The following DSC1 variants were observed in gnomAD, a reference collection of about 807,000 sequenced individuals.
DSC1 encodes desmocollin-1.
Under a neutral mutation model 98.8 loss-of-function variants are expected in DSC1, and 79 were observed. The ratio of observed to expected loss-of-function variants is 0.80; its 90% CI spans 0.67 to 0.96. DSC1 has a LOEUF of 0.96. DSC1 is among the 50% of genes least tolerant of loss of function. The probability of loss-of-function intolerance (pLI) is 0.00; values close to 1 mark genes in which losing one functional copy is unlikely to be tolerated. For synonymous variants in DSC1, 405 were observed against 372.1 expected (o/e 1.09, Z -1.02); for missense variants, 1,115 against 1,075.9 (o/e 1.04, Z -0.51).
At chr18:31,155,002 TA>T (rs1302129826) in intron 4 of DSC1, 73 bp from the exon 5 acceptor site, 1 of 1,538,054 alleles carries the variant, frequency 6.5e-7, no homozygotes, top group East Asian at 2.3e-5. Context: ...TGTGATGGTT[TA>T]TTTTTTTACC....
intron 11 of DSC1, among the ~76,000 whole-genome samples, chr18:31,135,386 A>G (rs2144918463): frequency 6.6e-6 from 1 of 152,280 alleles, no homozygotes; most frequent in Non-Finnish European, 1.5e-5. Context: ...GTGCTTTCTC[A>G]GAACTCTTTG....
rs1439785448 is a variant in DSC1 at position 31,139,733 on chromosome 18, G to T, written c.1663+15C>A. ...GTCATATATTTATATTTTATCTGTA[G>T]AAAATGGCACTCACCTGCATCCACT... On this transcript the variant is annotated intron_variant, in intron 11 of 15. Coordinates refer to ENST00000257198, the MANE Select transcript of DSC1 (RefSeq NM_024421.2). The T allele has an allele frequency of 6.4e-7, 1 of 1,560,998 alleles. No individual in the cohort carries two copies. The highest frequency in any genetic ancestry group is 8.6e-7 in the Non-Finnish European group (1 of 1,156,772).
Position 31,140,183 on chromosome 18 carries a change from A to G in DSC1, c.1379T>C (p.Val460Ala), listed in dbSNP as rs750210661. The change falls in exon 10 of 16, where the codon GTT becomes GCT. Residue 460 changes from valine to alanine, a missense_variant. Transcript: ENST00000257198. ...TPTMCTTTVTVKIIDSDEGPE... is the reference protein window; with the variant it reads ...TPTMCTTTVTAKIIDSDEGPE... ...GCCCTCATCACTGTCTATAATTTTA[A>G]CGGTGACAGTTGTAGTGCACATTGT... The G allele has an allele frequency of 2.5e-6, 4 of 1,614,006 alleles. No homozygotes were observed. The highest frequency in any genetic ancestry group is 3.4e-6 in the Non-Finnish European group (4 of 1,179,942).
rs1988457255 is a variant in DSC1 at position 31,130,378 on chromosome 18, A to G, written c.*136T>C. 1.2e-6 allele frequency: 1 copy of G among 860,520 alleles called. No homozygotes were observed. Among genetic ancestry groups the G allele is most frequent in the Non-Finnish European group, 1.8e-6 (1 of 556,676 alleles). 53.3% of individuals were successfully genotyped at this position (860,520 alleles called of 1,614,324 possible). On this transcript the variant is annotated 3_prime_UTR_variant, in exon 16 of 16. Coordinates refer to ENST00000257198, the MANE Select transcript of DSC1 (RefSeq NM_024421.2). ...GACAAGGAGAATGTAGGGGAATCTC[A>G]TATTTATAGTACCCTTACCTATACA...
chr18:31,130,927 A>G, intron 15 of DSC1: 1 of 1,291,190 alleles, frequency 7.7e-7, no homozygotes, highest in Non-Finnish European at 1.1e-6. Context: ...GAGCACATTT[A>G]AAAAATTAAG....
intron 2 of DSC1, among the ~76,000 whole-genome samples, chr18:31,158,241 T>C (rs969525865): frequency 5.3e-5 from 8 of 152,206 alleles, no homozygotes; most frequent in African/African-American, 1.7e-4. Flanking sequence ...CACTTCAGCC[T>C]GGGCAACAGA....
intron 5 of DSC1, among the ~76,000 whole-genome samples, chr18:31,153,045 A>G (rs139145803): frequency 0.015 from 2,204 of 151,698 alleles, 47 homozygotes; most frequent in African/African-American, 0.047. Context: ...AACTTTGAGG[A>G]TAAATTTCAA....
chr18:31,142,123 T>C lies in DSC1; in HGVS notation c.1136A>G (p.Asp379Gly). The C allele has an allele frequency of 1.2e-6, 2 of 1,613,188 alleles. No individual in the cohort carries two copies. The stretch of plus-strand genomic sequence containing the variant: ...GTGAGGAGTGTTTGGCAAATCCTGA[T>C]CCTGTACCTTCATTCGTAAAATCTC... The part of the protein sequence containing the change: ...DVEILRMKVQ[D>G]QDLPNTPHSK... Residue 379 changes from aspartate (D) to glycine (G), a missense_variant, in exon 9 of 16, where the codon GAT becomes GGT. Asp to Gly is a moderately conservative substitution (Grantham distance 94). Transcript: ENST00000257198.
intron 1 of DSC1, among the ~76,000 whole-genome samples, chr18:31,161,038 A>C (rs1368877293): frequency 2.0e-5 from 3 of 152,116 alleles, no homozygotes; most frequent in African/African-American, 7.2e-5. Context: ...CATGGTATAC[A>C]CCATGATTTA....
intron 11 of DSC1, among the ~76,000 whole-genome samples, chr18:31,136,835 G>C (rs549068163): frequency 3.3e-5 from 5 of 152,250 alleles, no homozygotes; most frequent in Admixed American, 6.5e-5. Context: ...AATTACAAGA[G>C]GTTGATGGTA....
In DSC1 at chr18:31,129,723, C is replaced by T. The variant is rs764982246; in HGVS notation, c.*791G>A. 2.0e-4 allele frequency: 30 copies of T among 152,224 alleles called. No individual in the cohort carries two copies. The highest frequency in any genetic ancestry group is 7.7e-4 in the East Asian group (4 of 5,174). 9.4% of individuals were successfully genotyped at this position (152,224 alleles called of 1,614,324 possible). ...TTAGTAGTAAACCATGTTGAGCAAA[C>T]GAAACATATTTGTGAGCATAAGTCA... On this transcript the variant is annotated 3_prime_UTR_variant, in exon 16 of 16. Transcript: ENST00000257198.
chr18:31,161,418 C>T (rs193050813), intron 1 of DSC1, among the ~76,000 whole-genome samples: 2 of 152,032 alleles, frequency 1.3e-5, no homozygotes, highest in East Asian at 3.9e-4. Context: ...TATATCCACA[C>T]TTCCACTCCC....
intron 3 of DSC1, 23 bp from the exon 4 acceptor site, chr18:31,156,185 A>C: frequency 6.3e-7 from 1 of 1,595,880 alleles, no homozygotes; most frequent in Non-Finnish European, 8.5e-7. Context: ...AGAAACAAAG[A>C]AATGTAGCAT....
chr18:31,130,662 T>G lies in DSC1; in HGVS notation c.2537A>C (p.Tyr846Ser), dbSNP rs746518527. Residue 846 changes from tyrosine (Y) to serine (S), a missense_variant, in exon 16 of 16, where the codon TAC becomes TCC. Coordinates refer to ENST00000257198, the MANE Select transcript of DSC1 (RefSeq NM_024421.2). ...QDEEHKHCED[Y>S]VCSYNYEGKG... ...GCCTTCATAGTTATACGAACAAACGTAGTCTTCACAATGTTTATGCTCCTC... is the reference window on the plus strand; with the variant it reads ...GCCTTCATAGTTATACGAACAAACGGAGTCTTCACAATGTTTATGCTCCTC... 1.9e-6 allele frequency: 3 copies of G among 1,614,162 alleles called. No individual in the cohort carries two copies. The highest frequency in any genetic ancestry group is 2.5e-6 in the Non-Finnish European group (3 of 1,180,012).
chr18:31,146,641 T>G (rs576285606), intron 6 of DSC1, among the ~76,000 whole-genome samples: 1 of 152,172 alleles, frequency 6.6e-6, no homozygotes, highest in African/African-American at 2.4e-5. Context: ...GCTCTGTTTT[T>G]AGTTCTTTGA....
At chr18:31,154,620 T>C (rs1355669294) in intron 5 of DSC1, among the ~76,000 whole-genome samples, 154 bp downstream of exon 5, 1 of 152,192 alleles carries the variant, frequency 6.6e-6, no homozygotes, top group Non-Finnish European at 1.5e-5. Context: ...TCCCCATCAA[T>C]GGTGAATAGA....
chr18:31,154,525 TAC>T (rs1187617053), intron 5 of DSC1, among the ~76,000 whole-genome samples: 1 of 152,142 alleles, frequency 6.6e-6, no homozygotes, highest in African/African-American at 2.4e-5. Flanking sequence ...TCTCCAGGAT[TAC>T]AGACCAAAAT....
In DSC1 at chr18:31,133,991, C is replaced by T. The variant is rs78900974; in HGVS notation, c.2016G>A (p.Glu672=). ...TTGTACTTTTATCCTTCATTCTACACTCAGATGGAGTTGAACAGTCACATA... is the reference window on the plus strand; with the variant it reads ...TTGTACTTTTATCCTTCATTCTACATTCAGATGGAGTTGAACAGTCACATA... ...VRVCDCSTPS[E]CRMKDKSTRD... is the part of the protein sequence containing the mutation. The change falls in exon 13 of 16, where the codon GAG becomes GAA. Residue 672 remains glutamate (E), a synonymous_variant. Transcript: ENST00000257198. The T allele has an allele frequency of 7.7e-4, 1,250 of 1,613,396 alleles. 13 individuals are homozygous for T. The African/African-American group carries it at 0.015, about 19-fold the overall frequency.
chr18:31,151,927 C>T (rs1209345139), intron 5 of DSC1, among the ~76,000 whole-genome samples: 3 of 152,076 alleles, frequency 2.0e-5, no homozygotes, highest in Non-Finnish European at 2.9e-5. Flanking sequence ...TTTGGGAGGC[C>T]GAGGTGGGTG....
Sources: gnomAD v4.1 joint callset for allele counts (sites outside exome capture counted in the v4.1 genomes callset) on GRCh38, gnomAD v4.1.1 for gene constraint, MANE v1.5 for transcripts, NCBI Gene and HGNC (gene_info 2026-07-23, HGNC 2026-07-21) for gene names.